ZNF782: variants seen among roughly 807,000 people sequenced by gnomAD.
The protein encoded by ZNF782 is zinc finger protein 782.
A neutral mutation model predicts 13.0 loss-of-function variants in ZNF782; 12 were observed. The ratio of observed to expected loss-of-function variants is 0.92; its 90% confidence interval spans 0.59 to 1.50. The LOEUF (loss-of-function observed/expected upper bound fraction) is 1.50, where lower values mean the gene tolerates loss of function less well. Among genes scored for constraint, ZNF782 ranks in the 40% most tolerant of loss-of-function variants. The pLI is 0.00. For missense variants in ZNF782, 770 were observed against 822.9 expected, an observed-to-expected ratio of 0.94 and a Z score of 0.79; for synonymous variants, 284 against 283.0, an observed-to-expected ratio of 1.00 and a Z score of -0.04.
the ZNF782 span, among the ~76,000 whole-genome samples, chr9:96,929,234 G>A: frequency 2.0e-5 from 3 of 152,262 alleles, no homozygotes; most frequent in Non-Finnish European, 4.4e-5. Flanking sequence ...CCTTAGAGGC[G>A]GACCAAGATG....
the ZNF782 span, among the ~76,000 whole-genome samples, chr9:96,896,416 G>T: frequency 6.6e-6 from 1 of 152,176 alleles, no homozygotes; most frequent in African/African-American, 2.4e-5. Flanking sequence ...GAAGCAGTAA[G>T]AAGTAGCAAC....
chr9:96,863,876 G>A (rs868396400), intron 1 of ZNF782, among the ~76,000 whole-genome samples: 1 of 151,936 alleles, frequency 6.6e-6, no homozygotes, highest in Non-Finnish European at 1.5e-5. Context: ...GTCGGGAGGG[G>A]GTTGAAGGAT....
chr9:96,931,623 T>G, the ZNF782 span: 11 of 1,294,670 alleles, frequency 8.5e-6, no homozygotes, highest in Non-Finnish European at 1.1e-5. Context: ...AGAGTTTCCC[T>G]GTCACATGCC....
In ZNF782 at chr9:96,818,919, A is replaced by G; in HGVS notation, c.1104T>C (p.Tyr368=). ...KVHIRAKPYE[Y]NECGKSCSMN... The stretch of plus-strand genomic sequence containing the variant: ...TAGAGCAGGATTTCCCACATTCATT[A>G]TACTCATAGGGTTTTGCCCTTATGT... Residue 368 remains tyrosine (Y), a synonymous_variant, in exon 6 of 6, where the codon TAT becomes TAC. Coordinates refer to ENST00000481138, the MANE Select transcript of ZNF782 (RefSeq NM_001001662.3). 1 of 1,614,214 alleles carries G rather than the reference A, an allele frequency of 6.2e-7. No individual in the cohort carries two copies. The highest frequency in any genetic ancestry group is 1.1e-5 in the South Asian group (1 of 91,066).
chr9:96,917,560 TA>T, the ZNF782 span, among the ~76,000 whole-genome samples: 10 of 151,700 alleles, frequency 6.6e-5, no homozygotes, highest in African/African-American at 2.4e-4. Flanking sequence ...GCCTCCCAAG[TA>T]GCTGGGATTA....
At chr9:96,863,281 A>G (rs1422857158) in intron 1 of ZNF782, among the ~76,000 whole-genome samples, 1 of 152,118 alleles carries the variant, frequency 6.6e-6, no homozygotes, top group Non-Finnish European at 1.5e-5. Flanking sequence ...ACTAATTATC[A>G]GGGAAATGCA....
the ZNF782 span, chr9:96,902,820 T>TATTATTATTA: frequency 6.8e-6 from 1 of 146,350 alleles, no homozygotes; most frequent in African/African-American, 2.6e-5. Flanking sequence ...TTATTATTAT[T>TATTATTATTA]TTGAAACAGG....
intron 1 of ZNF782, among the ~76,000 whole-genome samples, chr9:96,861,974 A>C (rs1430408356): frequency 6.6e-6 from 1 of 152,268 alleles, no homozygotes; most frequent in East Asian, 1.9e-4. Context: ...TGGATATTGC[A>C]GCACTGTTCA....
intron 4 of ZNF782, among the ~76,000 whole-genome samples, chr9:96,831,132 G>A (rs1213214427): frequency 1.3e-5 from 2 of 152,140 alleles, no homozygotes; most frequent in Non-Finnish European, 2.9e-5. Context: ...GGGCTGAAAA[G>A]TCTAAAAAGA....
the ZNF782 span, among the ~76,000 whole-genome samples, chr9:96,917,885 G>GGCGCGCGC: frequency 8.8e-6 from 1 of 113,174 alleles, no homozygotes; most frequent in African/African-American, 4.8e-5. Flanking sequence ...CACCACCCTT[G>GGCGCGCGC]GCGTGTGTGT....
upstream of ZNF782, among the ~76,000 whole-genome samples, chr9:96,857,893 T>C (rs115085916): frequency 6.6e-3 from 1,002 of 152,360 alleles, 15 homozygotes; most frequent in African/African-American, 0.023. Flanking sequence ...TCTTGGTAAA[T>C]TGCTCTTGTA....
rs556333153 is a variant in ZNF782, at chr9:96,819,017, T to C, written c.1006A>G (p.Lys336Glu). The C allele has an allele frequency of 9.9e-6, 16 of 1,614,182 alleles. No individual in the cohort carries two copies. In the East Asian group the frequency reaches 2.7e-4, roughly 27 times the overall value. Residue 336 changes from lysine to glutamate, a missense_variant, in exon 6 of 6, where the codon AAA becomes GAA. Transcript: ENST00000481138. ...GTACATGGGTGATAATCAGAGTATTTATCTGTTGCATGAGTTCTCTGATGC... is the reference window on the plus strand; with the variant it reads ...GTACATGGGTGATAATCAGAGTATTCATCTGTTGCATGAGTTCTCTGATGC... The part of the protein sequence containing the change: ...PVHQRTHATD[K>E]YSDYHPCTET...
chr9:96,856,345 T>A (rs1057513998), upstream of ZNF782, among the ~76,000 whole-genome samples: 3 of 152,224 alleles, frequency 2.0e-5, no homozygotes, highest in Admixed American at 1.3e-4. Context: ...GCAAGTTTAT[T>A]TCTTGTCTGA....
rs1329837552 is a variant in ZNF782 at position 96,819,645 on chromosome 9, T to C, written c.378A>G (p.Ile126Met). 1 of 1,614,026 alleles carries C rather than the reference T, an allele frequency of 6.2e-7. No individual in the cohort carries two copies. The highest frequency in any genetic ancestry group is 2.2e-5 in the East Asian group (1 of 44,886). The change falls in exon 6 of 6, where the codon ATA (isoleucine) becomes ATG (methionine). Residue 126 changes from isoleucine to methionine, a missense_variant. By Grantham distance (10) the Ile-to-Met change is conservative. Transcript: ENST00000481138. ...EISGKPHNRD[I>M]NIFRARMMPC... The stretch of plus-strand genomic sequence containing the variant: ...GCATCATTCTTGCACGAAAAATGTT[T>C]ATGTCTCGATTATGTGGTTTTCCTG...
At chr9:96,886,740 T>C in the ZNF782 span, among the ~76,000 whole-genome samples, 24 of 151,820 alleles carry the variant, frequency 1.6e-4, no homozygotes, top group Non-Finnish European at 3.2e-4. Flanking sequence ...TTGGCCAACA[T>C]GGAGAAACCT....
At position 96,819,512 on chromosome 9, in the gene ZNF782, A is replaced by G. The variant is rs752411382; in HGVS notation, c.511T>C (p.Trp171Arg). The G allele has an allele frequency of 3.0e-5, 49 of 1,613,180 alleles. 1 individual carries two copies. Among genetic ancestry groups the G allele is most frequent in the Non-Finnish European group, 3.9e-5 (46 of 1,179,786 alleles). ...KAHERNVCDK[W>R]LISIKDGRTN... ...CTGCCATCCTTAATACTGATGAGCC[A>G]TTTGTCACAAACATTACGCTCATGA... is the stretch of plus-strand genomic sequence containing the variant. Residue 171 changes from tryptophan (W) to arginine (R), a missense_variant, in exon 6 of 6, where the codon TGG becomes CGG. Trp to Arg is a moderately radical substitution (Grantham distance 101). Transcript: ENST00000481138.
chr9:96,875,668 G>A (rs1432178457), upstream of ZNF782: 6 of 452,062 alleles, frequency 1.3e-5, no homozygotes, highest in South Asian at 4.7e-5. Context: ...TGCGTCCCCG[G>A]GACCTCTAGC....
At position 96,818,856 on chromosome 9, in the gene ZNF782, T is replaced by G; in HGVS notation, c.1167A>C (p.Thr389=). The part of the protein sequence containing the change: ...SHLIWPQKSH[T]GEKPYECPEC... ...CAGGACATTCATAGGGTTTCTCCCC[T>G]GTGTGACTTTTCTGAGGCCAAATCA... Residue 389 remains threonine (T), a synonymous_variant, in exon 6 of 6, where the codon ACA becomes ACC. Coordinates refer to ENST00000481138, the MANE Select transcript of ZNF782 (RefSeq NM_001001662.3). 4 of 1,614,184 alleles carry G rather than the reference T, an allele frequency of 2.5e-6. No individual in the cohort carries two copies. Among genetic ancestry groups the G allele is most frequent in the Non-Finnish European group, 3.4e-6 (4 of 1,180,012 alleles).
At chr9:96,879,497 C>T (rs1346680099), upstream of ZNF782, among the ~76,000 whole-genome samples, 2 of 152,060 alleles carry the variant, frequency 1.3e-5, no homozygotes, top group Non-Finnish European at 2.9e-5. Context: ...AGCAAGACTC[C>T]GTCTCAAAAA....
Sources: allele counts gnomAD v4.1 joint callset (sites outside exome capture counted in the v4.1 genomes callset), GRCh38; gene constraint gnomAD v4.1.1; transcripts MANE v1.5; gene names NCBI Gene and HGNC (gene_info 2026-07-23, HGNC 2026-07-21).